Variants in KCNH7 observed in about 807,000 individuals in gnomAD.
The protein encoded by KCNH7 is voltage-gated inwardly rectifying potassium channel KCNH7.
Under a neutral mutation model 120.8 loss-of-function variants are expected in KCNH7, and 49 were observed. The ratio of observed to expected loss-of-function variants is 0.41; its 90% CI spans 0.32 to 0.51. The LOEUF is 0.51. Among genes scored for constraint, KCNH7 ranks in the 20% least tolerant of loss-of-function variants. The pLI, the probability that KCNH7 is intolerant of heterozygous loss-of-function variation, is 0.38. For missense variants in KCNH7, 1,097 were observed against 1,446.6 expected (o/e 0.76, Z 3.92); for synonymous variants, 547 against 516.1 (o/e 1.06, Z -0.81).
intron 8 of KCNH7, among the ~76,000 whole-genome samples, chr2:162,426,013 A>G (rs1197698827): frequency 1.3e-5 from 2 of 152,084 alleles, no homozygotes; most frequent in Non-Finnish European, 2.9e-5. Flanking sequence ...CAGCGGTTCG[A>G]GACCAGTCTG....
chr2:162,460,847 G>T (rs1200630237), intron 6 of KCNH7, among the ~76,000 whole-genome samples: 2 of 152,176 alleles, frequency 1.3e-5, no homozygotes. Context: ...AACGTTCCAA[G>T]GTGGTTTGGT....
intron 2 of KCNH7, among the ~76,000 whole-genome samples, chr2:162,622,446 G>T (rs1683397246): frequency 6.6e-6 from 1 of 152,086 alleles, no homozygotes; most frequent in Admixed American, 6.6e-5. Flanking sequence ...CACTAAATAG[G>T]TCCTTCAAGG....
intron 2 of KCNH7, among the ~76,000 whole-genome samples, chr2:162,736,850 C>A (rs1055343897): frequency 9.2e-5 from 14 of 152,124 alleles, no homozygotes; most frequent in African/African-American, 3.4e-4. Context: ...TGGTTCTGCA[C>A]AATGACTAGC....
intron 9 of KCNH7, among the ~76,000 whole-genome samples, chr2:162,405,069 T>C (rs1687168910): frequency 6.6e-6 from 1 of 152,050 alleles, no homozygotes; most frequent in South Asian, 2.1e-4. Context: ...ATTTCTCAAA[T>C]ACTGGCTTGT....
At chr2:162,812,879 C>G (rs192204339) in intron 2 of KCNH7, among the ~76,000 whole-genome samples, 1 of 151,986 alleles carries the variant, frequency 6.6e-6, no homozygotes, top group Non-Finnish European at 1.5e-5. Flanking sequence ...GACTAGATGA[C>G]CTTGGAGTAA....
intron 2 of KCNH7, among the ~76,000 whole-genome samples, chr2:162,587,592 C>G (rs559560818): frequency 1.5e-4 from 23 of 152,172 alleles, no homozygotes; most frequent in African/African-American, 5.3e-4. Context: ...CACACACACG[C>G]AAGCACATTG....
At chr2:162,429,405 T>A (rs1442147619) in intron 8 of KCNH7, among the ~76,000 whole-genome samples, 2 of 137,238 alleles carry the variant, frequency 1.5e-5, no homozygotes, top group East Asian at 2.5e-4. Flanking sequence ...TTTTTTTTTT[T>A]ACTCACACAT....
chr2:162,752,905 AAAG>A lies in KCNH7; in HGVS notation c.307+83629_307+83631del, dbSNP rs773886132. On this transcript the variant is annotated intron_variant, in intron 2 of 15. Transcript: ENST00000332142. ...AAAAGAGCAAGACTACATCTCAGAA[AAAG>A]AAAAGAAAAGAAAAGAAAAGAAAAG... Among the ~76,000 whole-genome samples, 90 of 26,008 alleles carry A rather than the reference AAAG, an allele frequency of 3.5e-3. 2 individuals carry two copies. The highest frequency in any genetic ancestry group is 0.016 in the South Asian group (13 of 828). 17.1% of individuals were successfully genotyped at this position (26,008 alleles called of 152,430 possible).
At chr2:162,628,036 A>G (rs1386424101) in intron 2 of KCNH7, among the ~76,000 whole-genome samples, 1 of 152,190 alleles carries the variant, frequency 6.6e-6, no homozygotes, top group African/African-American at 2.4e-5. Context: ...ACTTGGAAGT[A>G]TAGTAGAGGA....
chr2:162,428,783 G>A (rs1489485952), intron 8 of KCNH7, among the ~76,000 whole-genome samples: 1 of 151,812 alleles, frequency 6.6e-6, no homozygotes, highest in African/African-American at 2.4e-5. Context: ...AATAGTACCT[G>A]TCCTGAAGTT....
intron 2 of KCNH7, among the ~76,000 whole-genome samples, chr2:162,596,226 A>G (rs1332300034): frequency 6.6e-6 from 1 of 152,042 alleles, no homozygotes; most frequent in African/African-American, 2.4e-5. Context: ...ATGTGGAACT[A>G]CAAAAGACCC....
intron 2 of KCNH7, among the ~76,000 whole-genome samples, chr2:162,574,223 A>T (rs1225042570): frequency 1.3e-5 from 2 of 152,088 alleles, no homozygotes; most frequent in Non-Finnish European, 2.9e-5. Flanking sequence ...TAATAAACAT[A>T]AATGTTTAAT....
At chr2:162,602,138 T>C (rs1443382074) in intron 2 of KCNH7, among the ~76,000 whole-genome samples, 2 of 152,076 alleles carry the variant, frequency 1.3e-5, no homozygotes, top group African/African-American at 4.8e-5. Flanking sequence ...TACTACATAC[T>C]TTCAAATGGG....
intron 6 of KCNH7, among the ~76,000 whole-genome samples, chr2:162,459,468 T>C (rs1225905481): frequency 6.6e-6 from 1 of 152,108 alleles, no homozygotes; most frequent in Non-Finnish European, 1.5e-5. Context: ...CCAGCCCCAT[T>C]TGCAATCAGG....
chr2:162,587,703 A>G (rs1374702594), intron 2 of KCNH7, among the ~76,000 whole-genome samples: 1 of 151,998 alleles, frequency 6.6e-6, no homozygotes, highest in East Asian at 1.9e-4. Flanking sequence ...TGCAATGGTA[A>G]AAAGCAACAA....
chr2:162,412,402 C>T (rs1447700308), intron 9 of KCNH7, among the ~76,000 whole-genome samples: 6 of 151,986 alleles, frequency 3.9e-5, no homozygotes, highest in African/African-American at 9.7e-5. Context: ...TCTTATTTAA[C>T]TATTATAAAA....
intron 6 of KCNH7, among the ~76,000 whole-genome samples, chr2:162,449,786 CA>C (rs1446609613): frequency 6.6e-6 from 1 of 152,006 alleles, no homozygotes; most frequent in Non-Finnish European, 1.5e-5. Context: ...CAGAATTGTG[CA>C]AAAATAAACT....
At chr2:162,838,368 C>G (rs4667768) in intron 1 of KCNH7, 75 bp downstream of exon 1, 854,248 of 1,283,750 alleles carry the variant, frequency 0.67, 288,231 homozygotes, top group South Asian at 0.84. Flanking sequence ...GGTCTCCCCA[C>G]CTTGGAAGCG....
At chr2:162,795,100 G>A (rs1267246074) in intron 2 of KCNH7, among the ~76,000 whole-genome samples, 1 of 151,768 alleles carries the variant, frequency 6.6e-6, no homozygotes, top group Non-Finnish European at 1.5e-5. Flanking sequence ...ATATTTTTAG[G>A]TATCTCATTT....
Sources: allele counts gnomAD v4.1 joint callset (sites outside exome capture counted in the v4.1 genomes callset), GRCh38; gene constraint gnomAD v4.1.1; transcripts MANE v1.5; gene names NCBI Gene and HGNC (gene_info 2026-07-23, HGNC 2026-07-21).